BANK1: variants seen among roughly 807,000 people sequenced by gnomAD.
BANK1 encodes the protein B cell scaffold protein with ankyrin repeats 1, also known as B-cell scaffold protein with ankyrin repeats.
A neutral mutation model predicts 94.5 loss-of-function variants in BANK1; 95 were observed. The ratio of observed to expected loss-of-function variants is 1.00; its 90% CI spans 0.85 to 1.19. BANK1 has a LOEUF of 1.19. Among genes scored for constraint, BANK1 ranks in the 50% most tolerant of loss-of-function variants. BANK1 has a pLI of 0.00. For synonymous variants in BANK1, 334 were observed against 308.4 expected, an observed-to-expected ratio of 1.08 and a Z score of -0.87; for missense variants, 987 against 932.2, an observed-to-expected ratio of 1.06 and a Z score of -0.77.
rs76380756 is a variant in BANK1, at chr4:101,801,864, T to C, written c.70+10914T>C. On this transcript the variant is annotated intron_variant, in intron 1 of 16. Coordinates refer to ENST00000322953, the MANE Select transcript of BANK1 (RefSeq NM_017935.5). ...ATTTTGATTGTAATATTTGCTGCTG[T>C]TGAACACTTTTTAACACTCATTGTG... is the stretch of plus-strand genomic sequence containing the variant. Among the ~76,000 whole-genome samples, 8 of 152,260 alleles carry C rather than the reference T, an allele frequency of 5.3e-5. No homozygotes were observed. The East Asian group carries it at 1.5e-3, about 29-fold the overall frequency.
intron 7 of BANK1, 54 bp downstream of exon 7, chr4:101,918,243 G>T (rs1722893128): frequency 8.0e-7 from 1 of 1,250,838 alleles, no homozygotes; most frequent in Non-Finnish European, 1.1e-6. Context: ...TATTGTAGAA[G>T]AGACTGTAAG....
At chr4:101,888,642 A>AT (rs1253960874) in intron 5 of BANK1, among the ~76,000 whole-genome samples, 1 of 152,134 alleles carries the variant, frequency 6.6e-6, no homozygotes, top group Non-Finnish European at 1.5e-5. Flanking sequence ...GTGTTACTGA[A>AT]TTTTTTGTAT....
At chr4:101,942,222 TCAAA>T (rs1208254432) in intron 7 of BANK1, among the ~76,000 whole-genome samples, 3 of 151,892 alleles carry the variant, frequency 2.0e-5, no homozygotes, top group Admixed American at 6.6e-5. Context: ...TGCAGCTGCA[TCAAA>T]CAAAGTCATT....
chr4:101,934,433 G>A (rs939892863), intron 7 of BANK1, among the ~76,000 whole-genome samples: 1 of 151,304 alleles, frequency 6.6e-6, no homozygotes, highest in African/African-American at 2.4e-5. Context: ...GGTCACTGAA[G>A]GAGAAACTCT....
In BANK1 at chr4:101,902,201, A is replaced by C. The variant is rs1722310817; in HGVS notation, c.1009+6791A>C. The stretch of plus-strand genomic sequence containing the variant: ...AGAACAAACTTTTGACAATAACAGA[A>C]ATCTGAAAAATAAGCATGACCTCTA... On this transcript the variant is annotated intron_variant, in intron 6 of 16. Coordinates refer to ENST00000322953, the MANE Select transcript of BANK1 (RefSeq NM_017935.5). Among the ~76,000 whole-genome samples the C allele has an allele frequency of 2.0e-5, 3 of 152,162 alleles. 1 individual carries two copies. The highest frequency in any genetic ancestry group is 2.0e-4 in the Admixed American group (3 of 15,284).
intron 6 of BANK1, among the ~76,000 whole-genome samples, chr4:101,900,167 A>C (rs1722224813): frequency 6.6e-6 from 1 of 152,232 alleles, no homozygotes; most frequent in African/African-American, 2.4e-5. Flanking sequence ...TGTAACAAGT[A>C]CAAACTAAGA....
chr4:101,970,130 C>T (rs184236483), intron 7 of BANK1, among the ~76,000 whole-genome samples: 1 of 152,208 alleles, frequency 6.6e-6, no homozygotes, highest in Admixed American at 6.5e-5. Context: ...CCCATCATTC[C>T]AGCTGACTCT....
intron 7 of BANK1, among the ~76,000 whole-genome samples, chr4:101,992,994 T>C (rs1174162222): frequency 1.3e-5 from 2 of 152,164 alleles, no homozygotes; most frequent in Non-Finnish European, 2.9e-5. Context: ...GTCCTAAATG[T>C]GTAGGTTCAC....
chr4:101,888,395 C>G (rs1400481024), intron 5 of BANK1, among the ~76,000 whole-genome samples: 1 of 152,166 alleles, frequency 6.6e-6, no homozygotes, highest in African/African-American at 2.4e-5. Flanking sequence ...CTCCCAGTAC[C>G]CCTACCTCCC....
intron 10 of BANK1, among the ~76,000 whole-genome samples, chr4:102,030,497 C>CA (rs61453551): frequency 2.6e-5 from 4 of 151,570 alleles, no homozygotes; most frequent in African/African-American, 9.7e-5. Flanking sequence ...AGTCTTGTTA[C>CA]TAGGTATGTG....
intron 5 of BANK1, among the ~76,000 whole-genome samples, chr4:101,877,104 G>A (rs780531688): frequency 2.0e-5 from 3 of 151,992 alleles, no homozygotes; most frequent in Non-Finnish European, 4.4e-5. Context: ...TTAAGGAGGA[G>A]GTAAAGAAAG....
intron 7 of BANK1, among the ~76,000 whole-genome samples, chr4:102,000,439 G>A (rs1350971029): frequency 2.0e-5 from 3 of 151,340 alleles, no homozygotes; most frequent in African/African-American, 7.3e-5. Context: ...CAAGACATAT[G>A]ACTACCCTAC....
intron 5 of BANK1, among the ~76,000 whole-genome samples, chr4:101,889,599 C>T (rs1369235381): frequency 4.4e-5 from 4 of 90,472 alleles, no homozygotes; most frequent in Non-Finnish European, 5.6e-5. Context: ...AGCGAGACTC[C>T]GTCTCAAAAA....
chr4:101,791,768 T>C (rs537978915), intron 1 of BANK1, among the ~76,000 whole-genome samples: 33 of 152,308 alleles, frequency 2.2e-4, no homozygotes, highest in African/African-American at 7.7e-4. Flanking sequence ...TAGAATTTTT[T>C]AGGTAATGTA....
intron 1 of BANK1, among the ~76,000 whole-genome samples, chr4:101,799,086 C>T (rs1368026070): frequency 1.2e-3 from 178 of 152,144 alleles, no homozygotes; most frequent in Non-Finnish European, 1.0e-3. Flanking sequence ...CAGGTTTTTA[C>T]GGTTTTAGGT....
intron 6 of BANK1, among the ~76,000 whole-genome samples, chr4:101,907,110 G>C (rs1387197249): frequency 6.6e-6 from 1 of 152,186 alleles, no homozygotes; most frequent in African/African-American, 2.4e-5. Context: ...AATAGGTTGG[G>C]CTAGTTAACT....
At chr4:102,010,892 T>G (rs918778965) in intron 7 of BANK1, among the ~76,000 whole-genome samples, 1 of 152,204 alleles carries the variant, frequency 6.6e-6, no homozygotes, top group Non-Finnish European at 1.5e-5. Context: ...CAATGTAAAA[T>G]TGTTCAAATA....
At chr4:101,916,299 T>C (rs1722827988) in intron 6 of BANK1, among the ~76,000 whole-genome samples, 1 of 151,988 alleles carries the variant, frequency 6.6e-6, no homozygotes, top group Non-Finnish European at 1.5e-5. Context: ...TTCTCTTTAT[T>C]GTGTGCTTTA....
intron 7 of BANK1, among the ~76,000 whole-genome samples, chr4:101,954,572 A>G (rs556412227): frequency 6.6e-6 from 1 of 152,204 alleles, no homozygotes; most frequent in African/African-American, 2.4e-5. Context: ...GAGGGAAGAG[A>G]CATGACAAGC....
Sources: allele counts gnomAD v4.1 joint callset (sites outside exome capture counted in the v4.1 genomes callset), GRCh38; gene constraint gnomAD v4.1.1; transcripts MANE v1.5; gene names NCBI Gene and HGNC (gene_info 2026-07-23, HGNC 2026-07-21).